The following KCNMB2 variants were observed in gnomAD, a reference collection of about 807,000 sequenced individuals.
KCNMB2 encodes calcium-activated potassium channel subunit beta-2.
In KCNMB2, 9 loss-of-function variants were observed where a neutral mutation model predicts 24.5. The ratio of observed to expected loss-of-function variants is 0.37; its 90% CI spans 0.22 to 0.64. KCNMB2 has a LOEUF of 0.64. KCNMB2 is among the 30% of genes least tolerant of loss of function. KCNMB2 has a pLI of 0.63. For missense variants in KCNMB2, 226 were observed against 284.3 expected, an observed-to-expected ratio of 0.79 and a Z score of 1.47; for synonymous variants, 109 against 104.4, an observed-to-expected ratio of 1.04 and a Z score of -0.27.
chr3:178,730,411 CCACA>C (rs71628069), intron 1 of KCNMB2, among the ~76,000 whole-genome samples: 2 of 142,898 alleles, frequency 1.4e-5, no homozygotes, highest in Non-Finnish European at 3.0e-5. Context: ...CAACACCCCC[CCACA>C]CACACACACA....
intron 1 of KCNMB2, among the ~76,000 whole-genome samples, chr3:178,748,778 A>G (rs1723750513): frequency 6.6e-6 from 1 of 152,182 alleles, no homozygotes. Context: ...ATACCTTAGA[A>G]CACAAACTAT....
At chr3:178,685,647 C>T (rs927094393) in intron 1 of KCNMB2, among the ~76,000 whole-genome samples, 3 of 152,192 alleles carry the variant, frequency 2.0e-5, no homozygotes, top group South Asian at 2.1e-4. Flanking sequence ...GGGCTATGCA[C>T]GTGGGAAGCT....
intron 1 of KCNMB2, among the ~76,000 whole-genome samples, chr3:178,594,703 T>C (rs1717802253): frequency 6.6e-6 from 1 of 152,074 alleles, no homozygotes; most frequent in South Asian, 2.1e-4. Context: ...TGCAACTACA[T>C]AAATTAACTC....
chr3:178,637,064 A>G (rs1191362768), intron 1 of KCNMB2, among the ~76,000 whole-genome samples: 1 of 152,084 alleles, frequency 6.6e-6, no homozygotes, highest in East Asian at 1.9e-4. Flanking sequence ...ATAGTATTCC[A>G]TGGTGTATAC....
chr3:178,702,707 T>TA (rs1259252322), intron 1 of KCNMB2, among the ~76,000 whole-genome samples: 1 of 152,184 alleles, frequency 6.6e-6, no homozygotes, highest in Admixed American at 6.5e-5. Flanking sequence ...ATATCAGTGC[T>TA]AAAAAACAGT....
At chr3:178,647,426 C>T (rs1719958188) in intron 1 of KCNMB2, among the ~76,000 whole-genome samples, 1 of 152,230 alleles carries the variant, frequency 6.6e-6, no homozygotes, top group East Asian at 1.9e-4. Flanking sequence ...TTAGCAATGT[C>T]TTGTGATTAC....
intron 1 of KCNMB2, among the ~76,000 whole-genome samples, chr3:178,714,777 C>A (rs1722565304): frequency 6.6e-6 from 1 of 152,076 alleles, no homozygotes; most frequent in South Asian, 2.1e-4. Flanking sequence ...TAATGTTCGT[C>A]AGCCGTTGGC....
At chr3:178,779,281 C>A (rs1340504616) in intron 1 of KCNMB2, among the ~76,000 whole-genome samples, 1 of 152,186 alleles carries the variant, frequency 6.6e-6, no homozygotes, top group African/African-American at 2.4e-5. Flanking sequence ...TCAATATCCA[C>A]CTCTTCCAGA....
intron 1 of KCNMB2, among the ~76,000 whole-genome samples, chr3:178,708,707 CA>C (rs989925621): frequency 2.0e-5 from 3 of 151,304 alleles, no homozygotes; most frequent in Non-Finnish European, 4.4e-5. Flanking sequence ...TAATTCTCAG[CA>C]AAAAAAAGCC....
At chr3:178,630,485 C>G (rs1030384181) in intron 1 of KCNMB2, among the ~76,000 whole-genome samples, 5 of 152,236 alleles carry the variant, frequency 3.3e-5, no homozygotes, top group Non-Finnish European at 5.9e-5. Context: ...AGAACGATCT[C>G]TTCTAAACTC....
chr3:178,681,256 G>C (rs1721261549), intron 1 of KCNMB2, among the ~76,000 whole-genome samples: 1 of 97,292 alleles, frequency 1.0e-5, no homozygotes, highest in Non-Finnish European at 2.0e-5. Context: ...CAGTTTTCTT[G>C]TTAGCCAAAT....
At chr3:178,548,890 C>G (rs1179729539) in intron 1 of KCNMB2, among the ~76,000 whole-genome samples, 1 of 152,080 alleles carries the variant, frequency 6.6e-6, no homozygotes, top group Non-Finnish European at 1.5e-5. Flanking sequence ...AGAAAGTTGA[C>G]CAGAGTTCAA....
At chr3:178,584,572 TTA>T (rs1717353551) in intron 1 of KCNMB2, among the ~76,000 whole-genome samples, 1 of 152,220 alleles carries the variant, frequency 6.6e-6, no homozygotes, top group Non-Finnish European at 1.5e-5. Flanking sequence ...ATTATTGTTG[TTA>T]TTATGTTATT....
At chr3:178,775,599 C>T (rs1712548335) in intron 1 of KCNMB2, among the ~76,000 whole-genome samples, 1 of 152,150 alleles carries the variant, frequency 6.6e-6, no homozygotes, top group Non-Finnish European at 1.5e-5. Context: ...ATATACTATG[C>T]AAAACATGTC....
At chr3:178,648,407 C>CATG (rs1369520822) in intron 1 of KCNMB2, among the ~76,000 whole-genome samples, 1 of 152,108 alleles carries the variant, frequency 6.6e-6, no homozygotes, top group Non-Finnish European at 1.5e-5. Context: ...AATGTGGCAG[C>CATG]ATGCACCTGT....
chr3:178,696,777 C>T (rs1559978233), intron 1 of KCNMB2, among the ~76,000 whole-genome samples: 1 of 152,040 alleles, frequency 6.6e-6, no homozygotes, highest in Non-Finnish European at 1.5e-5. Context: ...TAGCTGTGTC[C>T]TGTAGATTCT....
chr3:178,621,821 G>C (rs890167736), intron 1 of KCNMB2, among the ~76,000 whole-genome samples: 12 of 152,304 alleles, frequency 7.9e-5, no homozygotes, highest in Non-Finnish European at 1.3e-4. Flanking sequence ...AGAAAGGTTA[G>C]TTAACTATGG....
chr3:178,628,152 T>C (rs1405977362), intron 1 of KCNMB2, among the ~76,000 whole-genome samples: 1 of 152,188 alleles, frequency 6.6e-6, no homozygotes, highest in African/African-American at 2.4e-5. Context: ...GATTATTTTG[T>C]CTCATACAGT....
chr3:178,634,858 C>A (rs141394104), intron 1 of KCNMB2, among the ~76,000 whole-genome samples: 33 of 152,218 alleles, frequency 2.2e-4, no homozygotes, highest in African/African-American at 7.7e-4. Flanking sequence ...ATTGTTTGAG[C>A]TCTGAGGAAA....
Sources: allele counts gnomAD v4.1 joint callset (sites outside exome capture counted in the v4.1 genomes callset), GRCh38; gene constraint gnomAD v4.1.1; transcripts MANE v1.5; gene names NCBI Gene and HGNC (gene_info 2026-07-23, HGNC 2026-07-21).